KREMEN1: variants seen among roughly 807,000 people sequenced by gnomAD.
The protein encoded by KREMEN1 is kringle containing transmembrane protein 1.
KREMEN1 carries 30 observed loss-of-function variants against 46.5 expected under a neutral mutation model. The ratio of observed to expected loss-of-function variants is 0.65; its 90% CI spans 0.48 to 0.88. The LOEUF (loss-of-function observed/expected upper bound fraction) is 0.88. Ranked by LOEUF, KREMEN1 falls within the 40% of genes least tolerant of loss-of-function variation. The pLI, the probability that KREMEN1 is intolerant of heterozygous loss-of-function variation, is 0.00. For missense variants in KREMEN1, 533 were observed against 596.9 expected, an observed-to-expected ratio of 0.89 and a Z score of 1.11; for synonymous variants, 214 against 230.6, an observed-to-expected ratio of 0.93 and a Z score of 0.65.
At position 29,077,277 on chromosome 22, in the gene KREMEN1, A is replaced by G. The variant is rs184995965; in HGVS notation, c.97+4050A>G. On this transcript the variant is annotated intron_variant, in intron 1 of 8. Transcript: ENST00000400335. ...ACTCTGTAGGGCAAAAGCAGCACAGACAAAAGACAAATGAATGGGTGTGAC... is the reference window on the plus strand; with the variant it reads ...ACTCTGTAGGGCAAAAGCAGCACAGGCAAAAGACAAATGAATGGGTGTGAC... Among the ~76,000 whole-genome samples, 359 of 152,366 alleles carry G rather than the reference A, an allele frequency of 2.4e-3. 1 individual carries two copies. Among genetic ancestry groups the G allele is most frequent in the African/African-American group, 8.3e-3 (347 of 41,590 alleles).
chr22:29,111,247 G>A (rs2038141028), intron 3 of KREMEN1, among the ~76,000 whole-genome samples: 1 of 151,332 alleles, frequency 6.6e-6, no homozygotes, highest in South Asian at 2.1e-4. Context: ...GTTCAAGACT[G>A]CAGTGAGTAT....
At position 29,146,288 on chromosome 22, in the gene KREMEN1, C is replaced by T; in HGVS notation, c.*4176C>T. ...TCCCTGGTGTGGGGTGTTTTTCAAG[C>T]CTTCCAGCCACAGCTGTCTCCCCTC... On this transcript the variant is annotated 3_prime_UTR_variant, in exon 9 of 9. Coordinates refer to ENST00000400335, the MANE Select transcript of KREMEN1 (RefSeq NM_001039570.3). 1 of 985,956 alleles carries T rather than the reference C, an allele frequency of 1.0e-6. No individual in the cohort carries two copies. The highest frequency in any genetic ancestry group is 4.7e-5 in the South Asian group (1 of 21,292). 61.1% of individuals were successfully genotyped at this position (985,956 alleles called of 1,614,324 possible).
At position 29,146,478 on chromosome 22, in the gene KREMEN1, C is replaced by G; in HGVS notation, c.*4366C>G. ...TTCAGAAAGGAAGGGTCTTTAGACA[C>G]AAAGACTGGAGGCCCTTCCCCGCCC... On this transcript the variant is annotated 3_prime_UTR_variant, in exon 9 of 9. Coordinates refer to ENST00000400335, the MANE Select transcript of KREMEN1 (RefSeq NM_001039570.3). 1 of 985,558 alleles carries G rather than the reference C, an allele frequency of 1.0e-6. No homozygotes were observed. Among genetic ancestry groups the G allele is most frequent in the Non-Finnish European group, 1.2e-6 (1 of 829,950 alleles). The allele number at this position is 985,558 out of a possible 1,614,324, so 61.1% of individuals were successfully genotyped here. A position where few individuals can be genotyped will look rare whatever the true frequency, so the allele number is the denominator to read the frequency against.
intron 9 of KREMEN1, among the ~76,000 whole-genome samples, chr22:29,162,324 A>G (rs902899072): frequency 2.6e-5 from 4 of 152,192 alleles, no homozygotes; most frequent in African/African-American, 9.6e-5. Flanking sequence ...CTAGGCATCG[A>G]AGGAATGTAC....
At chr22:29,149,321 C>G (rs2038897614), downstream of KREMEN1, among the ~76,000 whole-genome samples, 1 of 152,120 alleles carries the variant, frequency 6.6e-6, no homozygotes, top group African/African-American at 2.4e-5. Flanking sequence ...TGCCACCATG[C>G]CCAGCTAATT....
intron 3 of KREMEN1, among the ~76,000 whole-genome samples, chr22:29,119,173 C>A (rs778410071): frequency 6.6e-6 from 1 of 152,066 alleles, no homozygotes; most frequent in Non-Finnish European, 1.5e-5. Context: ...CATAGTGAGA[C>A]CCCATCTCAA....
Position 29,143,484 on chromosome 22 carries a change from T to G in KREMEN1, c.*1372T>G. The G allele has an allele frequency of 1.0e-6, 1 of 983,686 alleles. No individual in the cohort carries two copies. Among genetic ancestry groups the G allele is most frequent in the Non-Finnish European group, 1.2e-6 (1 of 828,396 alleles). 60.9% of individuals were successfully genotyped at this position (983,686 alleles called of 1,614,324 possible). A position where few individuals can be genotyped will look rare whatever the true frequency, so the allele number is the denominator to read the frequency against. ...AGGGCCGGGCGCGGTGGCTCATGCC[T>G]GTAATCCCAGCACTTTGGGAGGCTG... is the stretch of plus-strand genomic sequence containing the variant. On this transcript the variant is annotated 3_prime_UTR_variant, in exon 9 of 9. Transcript: ENST00000400335.
At chr22:29,151,032 C>T (rs2038911002), downstream of KREMEN1, among the ~76,000 whole-genome samples, 1 of 152,090 alleles carries the variant, frequency 6.6e-6, no homozygotes, top group African/African-American at 2.4e-5. Flanking sequence ...AAGGATATGG[C>T]CTCCGGAAAG....
chr22:29,135,319 TG>T (rs1408858730), intron 5 of KREMEN1, among the ~76,000 whole-genome samples: 11 of 152,284 alleles, frequency 7.2e-5, no homozygotes, highest in Admixed American at 3.3e-4. Flanking sequence ...AAATGGTGTT[TG>T]GTATAGACTT....
intron 9 of KREMEN1, among the ~76,000 whole-genome samples, chr22:29,164,746 C>CAAAAAAAAAA (rs34444682): frequency 5.8e-5 from 4 of 68,618 alleles, no homozygotes; most frequent in African/African-American, 3.0e-4. Context: ...AACTCCATCT[C>CAAAAAAAAAA]AAAAAAAAAA....
At chr22:29,148,496 C>T (rs1213466740), downstream of KREMEN1, among the ~76,000 whole-genome samples, 3 of 151,772 alleles carry the variant, frequency 2.0e-5, no homozygotes, top group African/African-American at 7.3e-5. Context: ...GCTCATCACC[C>T]AGGATGGAGT....
intron 5 of KREMEN1, chr22:29,134,182 A>G (rs1268354780): frequency 6.6e-6 from 1 of 151,426 alleles, no homozygotes; most frequent in Non-Finnish European, 1.5e-5. Context: ...TTAAGAGACA[A>G]GGTCTCACTC....
At chr22:29,086,914 TTTTTAATTTTAA>T (rs933963508) in intron 1 of KREMEN1, among the ~76,000 whole-genome samples, 2 of 151,998 alleles carry the variant, frequency 1.3e-5, no homozygotes, top group Non-Finnish European at 2.9e-5. Context: ...ACCCAGCAAA[TTTTTAATTTTAA>T]TTTTAATTTT....
At chr22:29,161,506 CAAAAAAAAAAAAAA>C (rs35296953) in intron 9 of KREMEN1, among the ~76,000 whole-genome samples, 3 of 63,352 alleles carry the variant, frequency 4.7e-5, no homozygotes, top group South Asian at 1.8e-3. Context: ...GACTCCATCT[CAAAAAAAAAAAAAA>C]AAAAAAAAAA....
intron 1 of KREMEN1, among the ~76,000 whole-genome samples, chr22:29,076,078 G>T (rs555388197): frequency 6.6e-6 from 1 of 152,274 alleles, no homozygotes; most frequent in South Asian, 2.1e-4. Context: ...TGCAACCAGG[G>T]CCATGTGGTC....
intron 3 of KREMEN1, among the ~76,000 whole-genome samples, chr22:29,102,383 A>G (rs2037991442): frequency 6.6e-6 from 1 of 152,208 alleles, no homozygotes; most frequent in South Asian, 2.1e-4. Flanking sequence ...TGCTTAATCA[A>G]ATTTTTAAAA....
intron 7 of KREMEN1, among the ~76,000 whole-genome samples, 173 bp from the exon 8 acceptor site, chr22:29,140,109 C>A (rs776026172): frequency 2.0e-5 from 3 of 152,210 alleles, no homozygotes; most frequent in Non-Finnish European, 4.4e-5. Flanking sequence ...ACACCTGGGG[C>A]CCCATGCTTA....
chr22:29,167,626 A>G (rs984948980), exon 10 of KREMEN1: 9 of 154,420 alleles, frequency 5.8e-5, no homozygotes, highest in African/African-American at 2.2e-4. Flanking sequence ...GCTTTGTGTG[A>G]CTTGCTCAGG....
At chr22:29,148,338 C>T (rs571696926), downstream of KREMEN1, among the ~76,000 whole-genome samples, 6 of 152,178 alleles carry the variant, frequency 3.9e-5, no homozygotes, top group Admixed American at 2.0e-4. Flanking sequence ...TGGGGGACAG[C>T]GTCCTGGGAT....
Sources: allele counts gnomAD v4.1 joint callset (sites outside exome capture counted in the v4.1 genomes callset), GRCh38; gene constraint gnomAD v4.1.1; transcripts MANE v1.5; gene names NCBI Gene and HGNC (gene_info 2026-07-23, HGNC 2026-07-21).